CES5A: variants seen among roughly 807,000 people sequenced by gnomAD.
The protein encoded by CES5A is carboxylesterase 5.
CES5A carries 67 observed loss-of-function variants against 62.9 expected under a neutral mutation model. That is an observed-to-expected ratio of 1.07 (90% confidence interval 0.88 to 1.31). CES5A has a LOEUF of 1.31. CES5A is among the 50% of genes most tolerant of loss of function. The pLI is 0.00. For missense variants in CES5A, 748 were observed against 708.5 expected (o/e 1.06, Z -0.63); for synonymous variants, 296 against 280.8 (o/e 1.05, Z -0.54).
intron 11 of CES5A, among the ~76,000 whole-genome samples, chr16:55,847,399 C>T (rs1350752038): frequency 6.6e-6 from 1 of 151,930 alleles, no homozygotes; most frequent in East Asian, 1.9e-4. Context: ...CTCTCTCTCC[C>T]TCTGCCTCTC....
Position 55,863,384 on chromosome 16 carries a change from A to G in CES5A, c.774T>C (p.Pro258=), listed in dbSNP as rs781138324. The change falls in exon 6 of 13, where the codon CCT becomes CCC. Residue 258 remains proline, a synonymous_variant. Transcript: ENST00000290567. ...AIMESGVAII[P]YLEAHDYEKS... ...TCTCATAATCATGGGCCTCCAGGTAAGGGATGATGGCCACCCCACTCTCCA... is the reference window on the plus strand; with the variant it reads ...TCTCATAATCATGGGCCTCCAGGTAGGGGATGATGGCCACCCCACTCTCCA... 22 of 1,607,132 alleles carry G rather than the reference A, an allele frequency of 1.4e-5. No individual in the cohort carries two copies. Among genetic ancestry groups the G allele is most frequent in the Middle Eastern group, 1.8e-4 (1 of 5,696 alleles).
Position 55,859,573 on chromosome 16 carries a change from G to A in CES5A, c.1030C>T (p.His344Tyr), listed in dbSNP as rs1290507902. 1 of 1,613,386 alleles carries A rather than the reference G, an allele frequency of 6.2e-7. No homozygotes were observed. Among genetic ancestry groups the A allele is most frequent in the Non-Finnish European group, 8.5e-7 (1 of 1,179,836 alleles). The change falls in exon 8 of 13, where the codon CAC becomes TAC. Residue 344 changes from histidine (H) to tyrosine (Y), a missense_variant. Physicochemically the swap from His to Tyr is moderately conservative, Grantham distance 83. Coordinates refer to ENST00000290567, the MANE Select transcript of CES5A (RefSeq NM_001143685.2). Reference sequence around the variant, plus strand: ...ATAGGCAGCAGGAAGCCACACTCGTGGTTATTGACTCCGATGATGGAAGGA... The same window carrying A: ...ATAGGCAGCAGGAAGCCACACTCGTAGTTATTGACTCCGATGATGGAAGGA... The part of the protein sequence containing the change: ...AIPSIIGVNN[H>Y]ECGFLLPMKE...
At chr16:55,886,663 C>G (rs913375946) in intron 1 of CES5A, among the ~76,000 whole-genome samples, 1 of 152,144 alleles carries the variant, frequency 6.6e-6, no homozygotes, top group African/African-American at 2.4e-5. Context: ...GGGAATCAAA[C>G]TCTCTTTGGT....
chr16:55,860,952 C>T (rs753387753), intron 7 of CES5A, among the ~76,000 whole-genome samples: 20 of 152,322 alleles, frequency 1.3e-4, no homozygotes, highest in Middle Eastern at 3.4e-3. Context: ...CAGCAGTCAG[C>T]TAGATTTTGC....
chr16:55,881,350 T>C (rs946333118), intron 1 of CES5A, among the ~76,000 whole-genome samples: 10 of 152,186 alleles, frequency 6.6e-5, no homozygotes, highest in Non-Finnish European at 1.3e-4. Flanking sequence ...GTGATGTGGC[T>C]ATTATGTCCT....
chr16:55,868,130 C>T (rs2033502701), intron 4 of CES5A, among the ~76,000 whole-genome samples: 4 of 152,224 alleles, frequency 2.6e-5, no homozygotes, highest in African/African-American at 9.6e-5. Flanking sequence ...CTTCCCGCAT[C>T]CATCTCCTGC....
chr16:55,887,979 C>T (rs184376700), intron 1 of CES5A, among the ~76,000 whole-genome samples: 100 of 152,212 alleles, frequency 6.6e-4, no homozygotes, highest in Admixed American at 6.5e-3. Flanking sequence ...CACTAACTTG[C>T]AATTTTTCTA....
At position 55,856,367 on chromosome 16, in the gene CES5A, A is replaced by G; in HGVS notation, c.1125+10T>C. The G allele has an allele frequency of 1.2e-6, 2 of 1,613,714 alleles. No individual in the cohort carries two copies. The highest frequency in any genetic ancestry group is 1.7e-6 in the Non-Finnish European group (2 of 1,179,714). ...GTCTCTGGAGTACTGCAGCCTCCCA[A>G]GCTACTCACCAGGATGTTTTGTATC... is the stretch of plus-strand genomic sequence containing the variant. On this transcript the variant is annotated intron_variant, in intron 9 of 12. Transcript: ENST00000290567.
At chr16:55,858,911 C>G (rs2033297758) in intron 8 of CES5A, among the ~76,000 whole-genome samples, 1 of 152,118 alleles carries the variant, frequency 6.6e-6, no homozygotes, top group South Asian at 2.1e-4. Flanking sequence ...CACCTGTTAT[C>G]CTCCCTAAAG....
At chr16:55,866,553 T>G (rs1275813469) in intron 4 of CES5A, among the ~76,000 whole-genome samples, 1 of 150,690 alleles carries the variant, frequency 6.6e-6, no homozygotes, top group Non-Finnish European at 1.5e-5. Context: ...CCAGGCACGG[T>G]GGCTCATGCC....
At chr16:55,863,095 T>C (rs2033386379) in intron 6 of CES5A, among the ~76,000 whole-genome samples, 1 of 152,158 alleles carries the variant, frequency 6.6e-6, no homozygotes, top group African/African-American at 2.4e-5. Flanking sequence ...AAGCAAAGAA[T>C]AACGGGTAAG....
At chr16:55,878,101 C>T (rs562179085), upstream of CES5A, among the ~76,000 whole-genome samples, 1 of 152,174 alleles carries the variant, frequency 6.6e-6, no homozygotes, top group South Asian at 2.1e-4. Flanking sequence ...CTTTGATAGG[C>T]TCTCCCTGTT....
intron 8 of CES5A, 42 bp downstream of exon 8, chr16:55,859,505 A>C (rs1302703283): frequency 6.3e-7 from 1 of 1,595,036 alleles, no homozygotes; most frequent in Admixed American, 1.7e-5. Flanking sequence ...AAGCTGCATC[A>C]CGGTTTGAGG....
At chr16:55,930,954 T>A (rs1466100170) in intron 2 of CES5A, among the ~76,000 whole-genome samples, 1 of 152,186 alleles carries the variant, frequency 6.6e-6, no homozygotes, top group African/African-American at 2.4e-5. Flanking sequence ...TACTTCAAGA[T>A]CATGGTGCCT....
At chr16:55,946,746 A>G (rs531001893) in intron 2 of CES5A, among the ~76,000 whole-genome samples, 1 of 152,278 alleles carries the variant, frequency 6.6e-6, no homozygotes, top group East Asian at 1.9e-4. Flanking sequence ...TCACTCATAC[A>G]TATGTGGGTT....
intron 8 of CES5A, among the ~76,000 whole-genome samples, chr16:55,858,467 C>T (rs1484755892): frequency 2.0e-5 from 3 of 152,212 alleles, no homozygotes; most frequent in African/African-American, 4.8e-5. Context: ...TTCTAACACA[C>T]ACCCAGAAAT....
intron 8 of CES5A, among the ~76,000 whole-genome samples, chr16:55,859,310 ACAGTT>A (rs2033305771): frequency 6.6e-6 from 1 of 152,208 alleles, no homozygotes; most frequent in Non-Finnish European, 1.5e-5. Flanking sequence ...TCCTTTTTAT[ACAGTT>A]GTTTCTTCCG....
intron 1 of CES5A, among the ~76,000 whole-genome samples, chr16:55,912,931 C>T (rs1377700495): frequency 6.6e-6 from 1 of 152,152 alleles, no homozygotes; most frequent in Non-Finnish European, 1.5e-5. Context: ...TCTTGCCTAC[C>T]CACAGGCAGT....
At chr16:55,937,929 C>G (rs572573244) in intron 2 of CES5A, among the ~76,000 whole-genome samples, 2 of 152,142 alleles carry the variant, frequency 1.3e-5, no homozygotes, top group Non-Finnish European at 1.5e-5. Context: ...TGTTATCTAC[C>G]CCCTAGTTTG....
Sources: gnomAD v4.1 joint callset for allele counts (sites outside exome capture counted in the v4.1 genomes callset) on GRCh38, gnomAD v4.1.1 for gene constraint, MANE v1.5 for transcripts, NCBI Gene and HGNC (gene_info 2026-07-23, HGNC 2026-07-21) for gene names.